MAD1L1: variants seen among roughly 807,000 people sequenced by gnomAD.
MAD1L1 encodes mitotic arrest deficient 1 like 1.
A neutral mutation model predicts 96.9 loss-of-function variants in MAD1L1; 95 were observed. That is an observed-to-expected ratio of 0.98 (90% CI 0.83 to 1.16). MAD1L1 has a LOEUF of 1.16. Ranked by LOEUF, MAD1L1 falls within the 50% of genes most tolerant of loss-of-function variation. The pLI, the probability that MAD1L1 is intolerant of heterozygous loss-of-function variation, is 0.00. For synonymous variants in MAD1L1, 473 were observed against 396.6 expected, an observed-to-expected ratio of 1.19 and a Z score of -2.29; for missense variants, 1,007 against 954.4, an observed-to-expected ratio of 1.06 and a Z score of -0.73.
intron 10 of MAD1L1, among the ~76,000 whole-genome samples, chr7:2,192,268 T>C (rs577616125): frequency 1.2e-4 from 18 of 152,078 alleles, no homozygotes; most frequent in South Asian, 6.2e-4. Flanking sequence ...GTCATTGGGA[T>C]TACAGGCACA....
chr7:2,096,008 T>C (rs1786470501), intron 11 of MAD1L1, among the ~76,000 whole-genome samples: 1 of 152,178 alleles, frequency 6.6e-6, no homozygotes, highest in African/African-American at 2.4e-5. Context: ...TCAGGGTCGT[T>C]AGAATCGGGC....
intron 18 of MAD1L1, among the ~76,000 whole-genome samples, chr7:1,840,743 CAAT>C (rs1562444256): frequency 6.6e-6 from 1 of 152,206 alleles, no homozygotes; most frequent in Non-Finnish European, 1.5e-5. Context: ...CAAAACAAAA[CAAT>C]AAAACAGCAA....
intron 12 of MAD1L1, among the ~76,000 whole-genome samples, chr7:2,047,673 CAT>C (rs1160866406): frequency 2.0e-5 from 3 of 152,238 alleles, no homozygotes; most frequent in African/African-American, 4.8e-5. Context: ...GATGCACACA[CAT>C]GTGCGCACAC....
chr7:2,059,052 G>A (rs1351381848), intron 12 of MAD1L1, among the ~76,000 whole-genome samples: 13 of 98,884 alleles, frequency 1.3e-4, no homozygotes, highest in South Asian at 5.0e-4. Context: ...TGTGGCCAGA[G>A]GAGAGAAGCA....
At chr7:1,864,959 C>T (rs982248465) in intron 18 of MAD1L1, among the ~76,000 whole-genome samples, 2 of 152,210 alleles carry the variant, frequency 1.3e-5, no homozygotes, top group South Asian at 2.1e-4. Flanking sequence ...TCATAAACCA[C>T]GCAGTCTCAG....
intron 17 of MAD1L1, among the ~76,000 whole-genome samples, chr7:1,913,182 G>A (rs1310036212): frequency 1.3e-5 from 2 of 152,154 alleles, no homozygotes; most frequent in Non-Finnish European, 2.9e-5. Flanking sequence ...GGATTCCTAT[G>A]TAATGAACTC....
At chr7:1,994,775 G>A (rs552819363) in intron 14 of MAD1L1, among the ~76,000 whole-genome samples, 3 of 152,316 alleles carry the variant, frequency 2.0e-5, no homozygotes, top group African/African-American at 4.8e-5. Flanking sequence ...ACACCAGACC[G>A]GCCAGTTCCT....
chr7:1,862,982 AT>A (rs1259442055), intron 18 of MAD1L1, among the ~76,000 whole-genome samples: 1 of 152,170 alleles, frequency 6.6e-6, no homozygotes, highest in Admixed American at 6.5e-5. Flanking sequence ...CAAGTCCCAC[AT>A]GTGTTGGGGA....
intron 11 of MAD1L1, among the ~76,000 whole-genome samples, chr7:2,132,868 G>C (rs1027189721): frequency 3.3e-5 from 5 of 152,256 alleles, no homozygotes; most frequent in African/African-American, 1.2e-4. Flanking sequence ...ATTGGAAGCA[G>C]GACCTGAGAG....
intron 11 of MAD1L1, among the ~76,000 whole-genome samples, chr7:2,093,965 A>G (rs1786346962): frequency 1.3e-5 from 2 of 152,254 alleles, no homozygotes; most frequent in African/African-American, 2.4e-5. Context: ...GGGAGAGGAC[A>G]GGAACCTCAG....
chr7:2,069,296 C>T lies in MAD1L1; in HGVS notation c.1116G>A (p.Glu372=). 1 of 1,609,426 alleles carries T rather than the reference C, an allele frequency of 6.2e-7. No individual in the cohort carries two copies. Among genetic ancestry groups the T allele is most frequent in the Non-Finnish European group, 8.5e-7 (1 of 1,179,210 alleles). The change falls in exon 12 of 19, where the codon GAG becomes GAA. Residue 372 remains glutamate (E), a synonymous_variant. Coordinates refer to ENST00000265854, the MANE Select transcript of MAD1L1 (RefSeq NM_001013836.2). The part of the protein sequence containing the change: ...LEKARQQLQE[E]LRQVSGQLLE... Reference sequence around the variant, plus strand: ...ACAGCTGGCCGCTGACCTGCCGGAGCTCCTCCTGCAGCTGCTGCCTGGCCT... The same window carrying T: ...ACAGCTGGCCGCTGACCTGCCGGAGTTCCTCCTGCAGCTGCTGCCTGGCCT...
intron 18 of MAD1L1, among the ~76,000 whole-genome samples, chr7:1,897,333 G>C (rs536714296): frequency 2.0e-5 from 3 of 152,234 alleles, no homozygotes; most frequent in South Asian, 2.1e-4. Flanking sequence ...GACCACAGCA[G>C]TCCCAGGTGG....
chr7:1,898,691 T>G (rs1204216996), intron 17 of MAD1L1, among the ~76,000 whole-genome samples: 1 of 152,100 alleles, frequency 6.6e-6, no homozygotes, highest in Non-Finnish European at 1.5e-5. Context: ...GGATCAGCCC[T>G]CGGCCTGCAG....
intron 11 of MAD1L1, among the ~76,000 whole-genome samples, chr7:2,144,713 G>A (rs911564604): frequency 1.3e-5 from 2 of 152,094 alleles, no homozygotes; most frequent in African/African-American, 4.8e-5. Context: ...GGGCAGCCCC[G>A]GGGTGCCCTG....
intron 10 of MAD1L1, among the ~76,000 whole-genome samples, chr7:2,198,049 C>G (rs1446335573): frequency 2.6e-5 from 4 of 151,940 alleles, no homozygotes; most frequent in African/African-American, 9.7e-5. Context: ...CCCACAAGCG[C>G]CCCCGCTCAT....
At position 2,047,069 on chromosome 7, in the gene MAD1L1, C is replaced by A. The variant is rs1056992809; in HGVS notation, c.1218+22125G>T. 5.9e-5 allele frequency among the ~76,000 whole-genome samples: 9 copies of A among 152,312 alleles called. No individual in the cohort carries two copies. In the Middle Eastern group the frequency reaches 0.017, roughly 288 times the overall value. Reference sequence around the variant, plus strand: ...AACTCCTGGGTTGAACTGTTTACTGCGTGCCACCCTCCTGGGCAAACAGTC... The same window carrying A: ...AACTCCTGGGTTGAACTGTTTACTGAGTGCCACCCTCCTGGGCAAACAGTC... On this transcript the variant is annotated intron_variant, in intron 12 of 18. Transcript: ENST00000265854.
At chr7:2,077,495 C>T (rs991771525) in intron 11 of MAD1L1, among the ~76,000 whole-genome samples, 2 of 152,202 alleles carry the variant, frequency 1.3e-5, no homozygotes, top group African/African-American at 4.8e-5. Context: ...GGGGGAGACG[C>T]CCCAGTCGGG....
chr7:2,031,725 G>A (rs1216927429), intron 12 of MAD1L1, among the ~76,000 whole-genome samples: 1 of 152,252 alleles, frequency 6.6e-6, no homozygotes, highest in Admixed American at 6.5e-5. Context: ...CGTGACCCTC[G>A]CAAGGTCTCG....
chr7:1,873,528 C>T (rs904646650), intron 18 of MAD1L1, among the ~76,000 whole-genome samples: 10 of 147,696 alleles, frequency 6.8e-5, no homozygotes, highest in East Asian at 6.0e-4. Context: ...CTGAGGGGTA[C>T]GGGCAAAGCA....
Sources: gnomAD v4.1 joint callset for allele counts (sites outside exome capture counted in the v4.1 genomes callset) on GRCh38, gnomAD v4.1.1 for gene constraint, MANE v1.5 for transcripts, NCBI Gene and HGNC (gene_info 2026-07-23, HGNC 2026-07-21) for gene names.